Variants in ARMC8 observed in about 807,000 individuals in gnomAD.
ARMC8 encodes the protein armadillo repeat containing 8.
Under a neutral mutation model 99.3 loss-of-function variants are expected in ARMC8, and 20 were observed. That is an observed-to-expected ratio of 0.20 (90% confidence interval 0.14 to 0.29). The LOEUF (loss-of-function observed/expected upper bound fraction) is 0.29, where lower values mean the gene tolerates loss of function less well. Among genes scored for constraint, ARMC8 ranks in the 10% least tolerant of loss-of-function variants. The pLI, the probability that ARMC8 is intolerant of heterozygous loss-of-function variation, is 1.00. For missense variants in ARMC8, 569 were observed against 809.5 expected, an observed-to-expected ratio of 0.70 and a Z score of 3.60; for synonymous variants, 263 against 278.3, an observed-to-expected ratio of 0.95 and a Z score of 0.55.
chr3:138,254,635 A>G (rs2047291888), intron 12 of ARMC8, among the ~76,000 whole-genome samples: 1 of 152,196 alleles, frequency 6.6e-6, no homozygotes, highest in Non-Finnish European at 1.5e-5. Context: ...ACTTTATGAA[A>G]TTGAACTCAT....
At chr3:138,291,290 T>C (rs1474674965) in intron 21 of ARMC8, among the ~76,000 whole-genome samples, 1 of 152,216 alleles carries the variant, frequency 6.6e-6, no homozygotes, top group Non-Finnish European at 1.5e-5. Flanking sequence ...ATGGTCTGGC[T>C]CTGCCTTTCT....
At chr3:138,277,743 G>T (rs907203376) in intron 18 of ARMC8, among the ~76,000 whole-genome samples, 1 of 152,134 alleles carries the variant, frequency 6.6e-6, no homozygotes, top group Admixed American at 6.5e-5. Context: ...TTACAAAGTT[G>T]TACATATACG....
intron 21 of ARMC8, among the ~76,000 whole-genome samples, chr3:138,292,872 G>T (rs1473918707): frequency 6.6e-6 from 1 of 152,188 alleles, no homozygotes; most frequent in Non-Finnish European, 1.5e-5. Context: ...GAAAGATGCA[G>T]CAAAGGAGCA....
At chr3:138,201,557 G>T (rs1463831879) in intron 1 of ARMC8, among the ~76,000 whole-genome samples, 2 of 139,274 alleles carry the variant, frequency 1.4e-5, no homozygotes, top group African/African-American at 2.6e-5. Context: ...CACCTCCCGG[G>T]TTCAAGCGAT....
intron 2 of ARMC8, among the ~76,000 whole-genome samples, chr3:138,212,528 C>T (rs1356008034): frequency 1.3e-5 from 2 of 152,000 alleles, no homozygotes; most frequent in South Asian, 4.1e-4. Flanking sequence ...AGGCTGGTCT[C>T]GAACTCCTGA....
At chr3:138,247,764 C>T (rs562852982) in intron 12 of ARMC8, among the ~76,000 whole-genome samples, 65 of 152,186 alleles carry the variant, frequency 4.3e-4, no homozygotes, top group Non-Finnish European at 7.5e-4. Flanking sequence ...GATACCTTCT[C>T]TTTGGGCCAG....
intron 11 of ARMC8, 83 bp from the exon 12 acceptor site, chr3:138,245,005 C>CTTTTTT: frequency 6.7e-7 from 1 of 1,488,026 alleles, no homozygotes; most frequent in South Asian, 1.3e-5. Context: ...AAGTTGTAAA[C>CTTTTTT]TTTTTTTTTC....
chr3:138,219,248 G>A (rs1303609763), intron 2 of ARMC8, among the ~76,000 whole-genome samples: 5 of 152,200 alleles, frequency 3.3e-5, no homozygotes, highest in Admixed American at 6.5e-5. Flanking sequence ...TCCCATCTTG[G>A]ATGATAGCTG....
intron 10 of ARMC8, among the ~76,000 whole-genome samples, chr3:138,241,162 G>A (rs553361575): frequency 3.3e-5 from 5 of 152,342 alleles, no homozygotes; most frequent in African/African-American, 1.2e-4. Flanking sequence ...AAGTAAAATT[G>A]GACTCATGGA....
intron 12 of ARMC8, chr3:138,245,409 C>T (rs952511785): frequency 2.6e-5 from 35 of 1,370,662 alleles, no homozygotes; most frequent in Admixed American, 1.3e-4. Context: ...AAATAACTGG[C>T]GTGCTTTTTT....
intron 1 of ARMC8, among the ~76,000 whole-genome samples, chr3:138,190,669 A>G (rs1222644901): frequency 6.6e-6 from 1 of 152,152 alleles, no homozygotes. Flanking sequence ...AATTCTTCCA[A>G]ACTCCAGTAA....
At chr3:138,288,419 A>T (rs1396243068) in intron 19 of ARMC8, among the ~76,000 whole-genome samples, 3 of 152,234 alleles carry the variant, frequency 2.0e-5, no homozygotes, top group Non-Finnish European at 4.4e-5. Context: ...GGATTGAATC[A>T]TAAATTGCAA....
intron 20 of ARMC8, 83 bp from the exon 21 acceptor site, chr3:138,290,463 G>A: frequency 1.9e-6 from 2 of 1,034,706 alleles, no homozygotes; most frequent in Non-Finnish European, 2.9e-6. Context: ...AAGGACACTG[G>A]TAAGGCTCTA....
At chr3:138,229,132 G>GTATATA (rs2045850102) in intron 6 of ARMC8, 122 bp downstream of exon 6, 1 of 110,068 alleles carries the variant, frequency 9.1e-6, no homozygotes, top group African/African-American at 4.9e-5. Context: ...GTGTGTGTGC[G>GTATATA]TGTATATATA....
intron 14 of ARMC8, among the ~76,000 whole-genome samples, chr3:138,265,365 T>C (rs1177422969): frequency 6.6e-6 from 1 of 152,228 alleles, no homozygotes; most frequent in Admixed American, 6.5e-5. Flanking sequence ...ACTTGGTCTT[T>C]GGTCTATCAT....
At chr3:138,236,081 C>T (rs1250386897) in intron 7 of ARMC8, among the ~76,000 whole-genome samples, 1 of 152,180 alleles carries the variant, frequency 6.6e-6, no homozygotes, top group Non-Finnish European at 1.5e-5. Context: ...GCTGGGATTA[C>T]AGGCGTGAGC....
intron 12 of ARMC8, chr3:138,263,467 A>G (rs908581448): frequency 1.3e-5 from 6 of 449,380 alleles, no homozygotes; most frequent in African/African-American, 1.2e-4. Context: ...TGCAGTACTT[A>G]TACCATTTAA....
intron 10 of ARMC8, among the ~76,000 whole-genome samples, chr3:138,241,308 A>G (rs1470685874): frequency 6.6e-6 from 1 of 152,152 alleles, no homozygotes; most frequent in Non-Finnish European, 1.5e-5. Flanking sequence ...TGTTTTGGCA[A>G]CTGTAGGTAT....
intron 5 of ARMC8, 123 bp downstream of exon 5, chr3:138,223,856 G>A: frequency 1.3e-6 from 1 of 779,030 alleles, no homozygotes; most frequent in Non-Finnish European, 2.1e-6. Context: ...GGTCATGGTG[G>A]CTCACACCAG....
Sources: gnomAD v4.1 joint callset for allele counts (sites outside exome capture counted in the v4.1 genomes callset) on GRCh38, gnomAD v4.1.1 for gene constraint, MANE v1.5 for transcripts, NCBI Gene and HGNC (gene_info 2026-07-23, HGNC 2026-07-21) for gene names.